Variants in IL1RAPL2 observed in about 807,000 individuals in gnomAD.
The protein encoded by IL1RAPL2 is X-linked interleukin-1 receptor accessory protein-like 2.
A neutral mutation model predicts 44.1 loss-of-function variants in IL1RAPL2; 3 were observed. The ratio of observed to expected loss-of-function variants is 0.07; its 90% CI spans 0.03 to 0.18. The LOEUF (loss-of-function observed/expected upper bound fraction) is 0.18. IL1RAPL2 is among the 10% of genes least tolerant of loss of function. IL1RAPL2 has a pLI of 1.00. For synonymous variants in IL1RAPL2, 181 were observed against 178.8 expected (o/e 1.01, Z -0.10); for missense variants, 391 against 496.4 (o/e 0.79, Z 2.02).
chrX:105,073,112 T>C (rs2032233252), intron 2 of IL1RAPL2, among the ~76,000 whole-genome samples: 1 of 107,204 alleles, frequency 9.3e-6, no homozygotes, highest in African/African-American at 3.4e-5. Context: ...GTTACATATG[T>C]ATACATGTGC....
intron 7 of IL1RAPL2, among the ~76,000 whole-genome samples, chrX:105,728,353 A>T (rs773372531): frequency 1.8e-5 from 2 of 111,404 alleles, no homozygotes; most frequent in Non-Finnish European, 3.8e-5. Context: ...TTTTCATGAC[A>T]AAATACTTTA....
rs188242788 is a variant in IL1RAPL2 at position 105,214,447 on chromosome X, C to T, written c.356+18699C>T. On this transcript the variant is annotated intron_variant, in intron 3 of 10. Coordinates refer to ENST00000372582, the MANE Select transcript of IL1RAPL2 (RefSeq NM_017416.2). ...CTAACTATCCTAAATATATATGCACCCAATATAGGAGCACACAGATTCATG... is the reference window on the plus strand; with the variant it reads ...CTAACTATCCTAAATATATATGCACTCAATATAGGAGCACACAGATTCATG... Among the ~76,000 whole-genome samples the T allele has an allele frequency of 8.2e-5, 9 of 109,522 alleles. No homozygotes were observed. The East Asian group carries it at 2.6e-3, about 31-fold the overall frequency.
intron 2 of IL1RAPL2, among the ~76,000 whole-genome samples, chrX:104,851,885 C>T (rs1182230040): frequency 2.7e-5 from 3 of 111,590 alleles, no homozygotes; most frequent in African/African-American, 9.8e-5. Flanking sequence ...TGACAACCTG[C>T]TCTCATGGGA....
At chrX:105,571,922 T>C (rs772204402) in intron 6 of IL1RAPL2, among the ~76,000 whole-genome samples, 1 of 111,033 alleles carries the variant, frequency 9.0e-6, no homozygotes, top group South Asian at 3.8e-4. Flanking sequence ...ATTAAAACCC[T>C]GCTTTGCCTC....
intron 5 of IL1RAPL2, among the ~76,000 whole-genome samples, chrX:105,285,387 A>G (rs2034563269): frequency 8.9e-6 from 1 of 112,114 alleles, no homozygotes; most frequent in South Asian, 3.7e-4. Flanking sequence ...CTATTAACCA[A>G]ATAATCTCTA....
At chrX:105,251,158 A>G (rs1016699037) in intron 4 of IL1RAPL2, among the ~76,000 whole-genome samples, 2 of 110,997 alleles carry the variant, frequency 1.8e-5, no homozygotes, top group Admixed American at 1.9e-4. Flanking sequence ...ACTTATTTCA[A>G]TAAGTTAAGT....
intron 2 of IL1RAPL2, among the ~76,000 whole-genome samples, chrX:105,175,420 A>T (rs993714296): frequency 2.7e-5 from 3 of 111,564 alleles, no homozygotes; most frequent in Non-Finnish European, 3.8e-5. Context: ...GCATGCCAAG[A>T]TTATCAGGAG....
chrX:105,119,028 G>T (rs3902632), intron 2 of IL1RAPL2, among the ~76,000 whole-genome samples: 2 of 111,625 alleles, frequency 1.8e-5, no homozygotes, highest in African/African-American at 6.5e-5. Context: ...ACCAGGCTCA[G>T]TGCAGTTGTT....
intron 2 of IL1RAPL2, among the ~76,000 whole-genome samples, chrX:105,073,214 G>T (rs1370405793): frequency 1.6e-5 from 1 of 63,785 alleles, no homozygotes; most frequent in African/African-American, 6.6e-5. Flanking sequence ...CCCACAACAG[G>T]CCCCAGTGTG....
At chrX:105,630,966 A>G (rs2037487928) in intron 6 of IL1RAPL2, among the ~76,000 whole-genome samples, 1 of 111,125 alleles carries the variant, frequency 9.0e-6, no homozygotes, top group African/African-American at 3.3e-5. Flanking sequence ...CTGCGATTCC[A>G]TGATTATATA....
At chrX:104,671,692 T>A (rs1930607518) in intron 2 of IL1RAPL2, among the ~76,000 whole-genome samples, 1 of 112,168 alleles carries the variant, frequency 8.9e-6, no homozygotes, top group East Asian at 2.8e-4. Flanking sequence ...TACATAATAG[T>A]TGATCTACGA....
chrX:104,759,139 A>G (rs1306248287), intron 2 of IL1RAPL2, among the ~76,000 whole-genome samples: 1 of 112,572 alleles, frequency 8.9e-6, no homozygotes, highest in African/African-American at 3.2e-5. Flanking sequence ...TAGATCAACA[A>G]TGTAATCAAA....
At chrX:104,839,029 A>G (rs1319466017) in intron 2 of IL1RAPL2, among the ~76,000 whole-genome samples, 1 of 106,302 alleles carries the variant, frequency 9.4e-6, no homozygotes, top group East Asian at 3.0e-4. Context: ...TTTTATTTTT[A>G]TTAGAGATGG....
At chrX:104,916,562 C>T (rs1343919035) in intron 2 of IL1RAPL2, among the ~76,000 whole-genome samples, 1 of 111,238 alleles carries the variant, frequency 9.0e-6, no homozygotes, top group Non-Finnish European at 1.9e-5. Flanking sequence ...CCCTTTATTT[C>T]CTTCTCCTGC....
At chrX:105,522,189 C>G (rs2036563854) in intron 6 of IL1RAPL2, among the ~76,000 whole-genome samples, 1 of 111,849 alleles carries the variant, frequency 8.9e-6, no homozygotes, top group African/African-American at 3.3e-5. Context: ...AACTTTTACC[C>G]TTTGGAATTA....
At chrX:104,611,823 C>T (rs1409980328) in intron 1 of IL1RAPL2, among the ~76,000 whole-genome samples, 1 of 74,100 alleles carries the variant, frequency 1.3e-5, no homozygotes, top group African/African-American at 6.1e-5. Context: ...GGCGACAGAG[C>T]GAGACTCCAT....
At chrX:104,878,177 A>G (rs753971233) in intron 2 of IL1RAPL2, among the ~76,000 whole-genome samples, 8 of 111,807 alleles carry the variant, frequency 7.2e-5, no homozygotes, top group African/African-American at 9.7e-5. Flanking sequence ...ATCATTCAGA[A>G]ATGTAGTTTC....
At chrX:105,722,938 G>A (rs2038318807) in intron 7 of IL1RAPL2, among the ~76,000 whole-genome samples, 1 of 110,113 alleles carries the variant, frequency 9.1e-6, no homozygotes, top group South Asian at 3.9e-4. Flanking sequence ...CTTATCAAAC[G>A]TTTTCTTGGC....
At chrX:105,349,096 T>C (rs1316078581) in intron 5 of IL1RAPL2, among the ~76,000 whole-genome samples, 1 of 112,241 alleles carries the variant, frequency 8.9e-6, no homozygotes, top group Admixed American at 9.5e-5. Flanking sequence ...ATTGAAAATT[T>C]TAAATATGTA....
Sources: gnomAD v4.1 joint callset for allele counts (sites outside exome capture counted in the v4.1 genomes callset) on GRCh38, gnomAD v4.1.1 for gene constraint, MANE v1.5 for transcripts, NCBI Gene and HGNC (gene_info 2026-07-23, HGNC 2026-07-21) for gene names.